Variants in ZFYVE26 observed in about 807,000 individuals in gnomAD.
The protein encoded by ZFYVE26 is zinc finger FYVE-type containing 26, also known as zinc finger FYVE domain-containing protein 26.
In ZFYVE26, 181 loss-of-function variants were observed where a neutral mutation model predicts 276.5. That is an observed-to-expected ratio of 0.65 (90% CI 0.58 to 0.74). The LOEUF is 0.74. Ranked by LOEUF, ZFYVE26 falls within the 30% of genes least tolerant of loss-of-function variation. The probability of loss-of-function intolerance (pLI) is 0.00; values close to 1 mark genes in which losing one functional copy is unlikely to be tolerated. For synonymous variants in ZFYVE26, 1,129 were observed against 1,203.1 expected (o/e 0.94, Z 1.27); for missense variants, 2,821 against 3,097.9 (o/e 0.91, Z 2.12).
chr14:67,789,107 T>C (rs1182402671), intron 16 of ZFYVE26, among the ~76,000 whole-genome samples: 2 of 152,230 alleles, frequency 1.3e-5, no homozygotes, highest in Non-Finnish European at 1.5e-5. Flanking sequence ...TGTATATTTC[T>C]TCTTTGAATT....
rs773193290 is a variant in ZFYVE26, at chr14:67,785,942, C to T, written c.3220G>A (p.Glu1074Lys). 15 of 1,614,080 alleles carry T rather than the reference C, an allele frequency of 9.3e-6. No homozygotes were observed. The highest frequency in any genetic ancestry group is 1.3e-5 in the African/African-American group (1 of 74,932). Residue 1074 changes from glutamate to lysine, a missense_variant, in exon 18 of 42, where the codon GAG (glutamate) becomes AAG (lysine). By Grantham distance (56) the Glu-to-Lys change is moderately conservative. Coordinates refer to ENST00000347230, the MANE Select transcript of ZFYVE26 (RefSeq NM_015346.4). The part of the protein sequence containing the change: ...LLQMCWPSLS[E>K]DCVASHTTLS... ...GTGGTGTGGCTGGCAACACAGTCCTCGCTTAGGCTGGGCCAGCACATCTGA... is the reference window on the plus strand; with the variant it reads ...GTGGTGTGGCTGGCAACACAGTCCTTGCTTAGGCTGGGCCAGCACATCTGA...
chr14:67,798,281 G>A lies in ZFYVE26; in HGVS notation c.1981C>T (p.His661Tyr). 1 of 1,614,212 alleles carries A rather than the reference G, an allele frequency of 6.2e-7. No individual in the cohort carries two copies. The highest frequency in any genetic ancestry group is 1.3e-5 in the African/African-American group (1 of 75,066). The change falls in exon 11 of 42, where the codon CAT (histidine) becomes TAT (tyrosine). Residue 661 changes from histidine (H) to tyrosine (Y), a missense_variant. Coordinates refer to ENST00000347230, the MANE Select transcript of ZFYVE26 (RefSeq NM_015346.4). ...AEPKDSYPGP[H>Y]RHSFLDLKHF... ...TTTAAGTCCAAAAAGCTGTGCCTAT[G>A]AGGCCCTGGGTAACTGTCTTTTGGC...
intron 40 of ZFYVE26, 120 bp downstream of exon 40, chr14:67,752,224 C>T: frequency 3.0e-6 from 4 of 1,321,472 alleles, no homozygotes; most frequent in Non-Finnish European, 4.3e-6. Flanking sequence ...CAGAGGGGTT[C>T]AGAATGATAA....
chr14:67,787,999 C>A lies in ZFYVE26; in HGVS notation c.3019+1336G>T, dbSNP rs369898174. On this transcript the variant is annotated intron_variant, in intron 16 of 41. Transcript: ENST00000347230. ...GCTCACTGGCCCTAAACTCTTTGTA[C>A]AATGTGGTTTATGCTGAACACCTGC... Among the ~76,000 whole-genome samples, 30 of 152,170 alleles carry A rather than the reference C, an allele frequency of 2.0e-4. No homozygotes were observed. In the South Asian group the frequency reaches 5.2e-3, roughly 26 times the overall value.
intron 9 of ZFYVE26, among the ~76,000 whole-genome samples, chr14:67,802,616 T>C (rs1343835954): frequency 1.3e-5 from 2 of 152,338 alleles, no homozygotes; most frequent in East Asian, 1.9e-4. Flanking sequence ...CTCACCCTAG[T>C]TGCAGCCTTA....
chr14:67,800,413 T>C (rs1722046107), intron 10 of ZFYVE26, among the ~76,000 whole-genome samples: 1 of 152,158 alleles, frequency 6.6e-6, no homozygotes, highest in Admixed American at 6.5e-5. Flanking sequence ...ATAAAAGAGA[T>C]ATTACATCAA....
At chr14:67,785,581 G>T (rs918675729) in intron 18 of ZFYVE26, among the ~76,000 whole-genome samples, 1 of 152,042 alleles carries the variant, frequency 6.6e-6, no homozygotes, top group African/African-American at 2.4e-5. Context: ...TTTTGGGGAA[G>T]GGTTCATCAA....
chr14:67,788,259 C>T (rs550950317), intron 16 of ZFYVE26, among the ~76,000 whole-genome samples: 5 of 152,236 alleles, frequency 3.3e-5, no homozygotes, highest in African/African-American at 1.2e-4. Flanking sequence ...CGTGGTGGCA[C>T]GTGCCTGTAA....
chr14:67,735,161 A>C (rs1308020081), intron 13 of ZFYVE26: 1 of 1,006,348 alleles, frequency 9.9e-7, no homozygotes, highest in African/African-American at 1.6e-5. Context: ...TGGCATTTTC[A>C]GAATATTAAG....
chr14:67,782,893 G>C lies in ZFYVE26; in HGVS notation c.4259C>G (p.Ser1420Cys), dbSNP rs1321374194. 1.9e-6 allele frequency: 3 copies of C among 1,614,082 alleles called. No individual in the cohort carries two copies. Among genetic ancestry groups the C allele is most frequent in the Non-Finnish European group, 1.7e-6 (2 of 1,180,044 alleles). ...CCGGGACCAATCTCTGGCCACCAAG[G>C]ATTCCTCAAAAGCCTCACTCAGTAC... ...LDVLSEAFEE[S>C]LVARDWSRAL... The change falls in exon 21 of 42, where the codon TCC becomes TGC. Residue 1420 changes from serine (S) to cysteine (C), a missense_variant. Physicochemically the swap from Ser to Cys is moderately radical, Grantham distance 112 (BLOSUM62 -1). Transcript: ENST00000347230.
At position 67,762,622 on chromosome 14, in the gene ZFYVE26, A is replaced by C; in HGVS notation, c.6159+50T>G. On this transcript the variant is annotated intron_variant, in intron 33 of 41. Coordinates refer to ENST00000347230, the MANE Select transcript of ZFYVE26 (RefSeq NM_015346.4). ...CCTGTTTGCAAGGCTAAGCAAAAGC[A>C]ACTTGCTACAGTGGGGTGGAAGTAA... 3 of 1,609,518 alleles carry C rather than the reference A, an allele frequency of 1.9e-6. No individual in the cohort carries two copies. In the South Asian group the frequency reaches 3.3e-5, roughly 18 times the overall value.
exon 14 of ZFYVE26, chr14:67,729,483 C>A: frequency 2.5e-6 from 3 of 1,191,526 alleles, no homozygotes; most frequent in Non-Finnish European, 2.4e-6. Context: ...CCTGATGATG[C>A]AATCCAGGTT....
intron 9 of ZFYVE26, 97 bp from the exon 10 acceptor site, chr14:67,802,379 C>T: frequency 8.0e-7 from 1 of 1,251,650 alleles, no homozygotes; most frequent in Non-Finnish European, 1.2e-6. Context: ...ACTTAGAGGT[C>T]CACTTGTAGG....
intron 27 of ZFYVE26, 134 bp from the exon 28 acceptor site, chr14:67,772,344 CTGTT>C (rs2039234094): frequency 6.7e-6 from 7 of 1,049,218 alleles, no homozygotes; most frequent in South Asian, 2.9e-5. Flanking sequence ...TCATCAGTGA[CTGTT>C]TGTGTCATAA....
intron 39 of ZFYVE26, among the ~76,000 whole-genome samples, chr14:67,752,785 T>C (rs2038683566): frequency 6.6e-6 from 1 of 152,194 alleles, no homozygotes; most frequent in Non-Finnish European, 1.5e-5. Context: ...TGGCACTCAC[T>C]GAAAATATTC....
intron 3 of ZFYVE26, 64 bp from the exon 4 acceptor site, chr14:67,809,353 TA>T: frequency 8.3e-7 from 1 of 1,205,500 alleles, no homozygotes. Context: ...AAATTATAAT[TA>T]AATATTTCTG....
intron 13 of ZFYVE26, chr14:67,735,071 A>T: frequency 1.4e-6 from 1 of 705,032 alleles, no homozygotes; most frequent in Non-Finnish European, 2.6e-6. Context: ...ACAGCAAATG[A>T]CACCAAATAT....
chr14:67,762,027 A>T, intron 34 of ZFYVE26, 176 bp downstream of exon 34: 5 of 648,116 alleles, frequency 7.7e-6, no homozygotes, highest in Non-Finnish European at 1.3e-5. Flanking sequence ...TTACTTATCT[A>T]ACCATATATG....
intron 8 of ZFYVE26, 61 bp downstream of exon 8, chr14:67,805,156 T>C (rs1477832017): frequency 1.3e-6 from 2 of 1,528,040 alleles, no homozygotes; most frequent in Non-Finnish European, 1.8e-6. Context: ...TGGCCACACA[T>C]GCGGAGCACA....
Sources: gnomAD v4.1 joint callset for allele counts (sites outside exome capture counted in the v4.1 genomes callset) on GRCh38, gnomAD v4.1.1 for gene constraint, MANE v1.5 for transcripts, NCBI Gene and HGNC (gene_info 2026-07-23, HGNC 2026-07-21) for gene names.